Variants in GABRB1 observed in about 807,000 individuals in gnomAD.
GABRB1 encodes gamma-aminobutyric acid type A receptor subunit beta1.
Under a neutral mutation model 51.6 loss-of-function variants are expected in GABRB1, and 17 were observed. The ratio of observed to expected loss-of-function variants is 0.33; its 90% CI spans 0.23 to 0.49. The LOEUF is 0.49. Ranked by LOEUF, GABRB1 falls within the 20% of genes least tolerant of loss-of-function variation. GABRB1 has a pLI of 0.99. For synonymous variants in GABRB1, 247 were observed against 218.9 expected (o/e 1.13, Z -1.14); for missense variants, 410 against 600.6 (o/e 0.68, Z 3.32).
intron 5 of GABRB1, among the ~76,000 whole-genome samples, chr4:47,395,689 C>T (rs2110043200): frequency 6.6e-6 from 1 of 152,300 alleles, no homozygotes; most frequent in African/African-American, 2.4e-5. Flanking sequence ...AATTTACTCA[C>T]ATGATTCAAA....
intron 3 of GABRB1, among the ~76,000 whole-genome samples, chr4:47,141,608 A>G (rs1716938571): frequency 6.6e-6 from 1 of 151,866 alleles, no homozygotes; most frequent in South Asian, 2.1e-4. Context: ...TACCTGTATT[A>G]TTTTATGAAG....
chr4:47,029,596 CTT>C (rs1450067795), upstream of GABRB1, among the ~76,000 whole-genome samples: 3 of 151,958 alleles, frequency 2.0e-5, no homozygotes, highest in Admixed American at 1.3e-4. Flanking sequence ...TCATTTATAA[CTT>C]TGTTCATCTT....
At chr4:47,086,778 A>G (rs1476899317) in intron 3 of GABRB1, among the ~76,000 whole-genome samples, 2 of 152,138 alleles carry the variant, frequency 1.3e-5, no homozygotes, top group African/African-American at 2.4e-5. Flanking sequence ...GATTTCTCAC[A>G]TAGAGCTCTC....
chr4:47,254,920 C>A (rs73150158), intron 4 of GABRB1, among the ~76,000 whole-genome samples: 1,957 of 152,272 alleles, frequency 0.013, 38 homozygotes, highest in African/African-American at 0.045. Flanking sequence ...CATGACACTG[C>A]AGGAGAGAAC....
chr4:47,059,429 A>G lies in GABRB1; in HGVS notation c.240+26945A>G, dbSNP rs527410838. 2.0e-5 allele frequency among the ~76,000 whole-genome samples: 3 copies of G among 152,142 alleles called. No individual in the cohort carries two copies. In the South Asian group the frequency reaches 6.2e-4, roughly 32 times the overall value. ...TCAAGCAGTCCTTCCATTTCACCCT[A>G]CTGAGTAACTGGGACTACAGGCATG... On this transcript the variant is annotated intron_variant, in intron 3 of 8. Transcript: ENST00000295454.
intron 3 of GABRB1, among the ~76,000 whole-genome samples, chr4:47,060,709 C>A (rs753083222): frequency 2.6e-5 from 4 of 151,994 alleles, no homozygotes; most frequent in African/African-American, 7.3e-5. Context: ...TGAGTGTTGG[C>A]AGGCTAATAT....
chr4:47,048,748 A>G (rs1162622472), intron 3 of GABRB1, among the ~76,000 whole-genome samples: 7 of 152,166 alleles, frequency 4.6e-5, no homozygotes, highest in East Asian at 3.8e-4. Flanking sequence ...TTTATTTATA[A>G]CAGAGCTGGG....
At chr4:47,130,542 T>G (rs1716367775) in intron 3 of GABRB1, among the ~76,000 whole-genome samples, 1 of 152,124 alleles carries the variant, frequency 6.6e-6, no homozygotes, top group Non-Finnish European at 1.5e-5. Flanking sequence ...ATATCCCTTA[T>G]TTTTGAGAAC....
intron 3 of GABRB1, among the ~76,000 whole-genome samples, chr4:47,148,030 A>G (rs1181823611): frequency 6.6e-6 from 1 of 152,088 alleles, no homozygotes; most frequent in African/African-American, 2.4e-5. Flanking sequence ...TAACAAATGG[A>G]TTAGGGAAGA....
intron 8 of GABRB1, among the ~76,000 whole-genome samples, chr4:47,410,247 G>A (rs1728716502): frequency 6.6e-6 from 1 of 152,090 alleles, no homozygotes; most frequent in African/African-American, 2.4e-5. Context: ...ACATAATTCT[G>A]ACAAAATTCA....
intron 4 of GABRB1, among the ~76,000 whole-genome samples, chr4:47,268,348 G>A (rs1437813707): frequency 6.6e-6 from 1 of 152,116 alleles, no homozygotes; most frequent in African/African-American, 2.4e-5. Flanking sequence ...AAAGAAGAAT[G>A]TTTCAAAATA....
intron 1 of GABRB1, among the ~76,000 whole-genome samples, chr4:46,997,752 ACACACACATATATATG>A (rs1364090744): frequency 7.9e-5 from 12 of 152,178 alleles, no homozygotes; most frequent in Non-Finnish European, 1.5e-4. Context: ...GTATATATAT[ACACACACATATATATG>A]CACACATACA....
chr4:47,344,274 CCTG>C (rs1306461697), intron 5 of GABRB1, among the ~76,000 whole-genome samples: 1 of 152,078 alleles, frequency 6.6e-6, no homozygotes, highest in Non-Finnish European at 1.5e-5. Context: ...AAAATTCTTC[CCTG>C]CTGTCTTCTC....
chr4:47,311,426 AAAAAAAAGATAGTCGATTATCTTGG>A (rs962110384), intron 4 of GABRB1, among the ~76,000 whole-genome samples: 4 of 151,746 alleles, frequency 2.6e-5, no homozygotes, highest in African/African-American at 9.7e-5. Context: ...AAAAAAAAAA[AAAAAAAAGATAGTCGATTATCTTGG>A]AATATCTTAG....
At chr4:47,029,704 T>C (rs1317132484), upstream of GABRB1, among the ~76,000 whole-genome samples, 1 of 152,062 alleles carries the variant, frequency 6.6e-6, no homozygotes, top group East Asian at 1.9e-4. Context: ...CGTATCTACC[T>C]GTAATATATT....
At chr4:47,015,689 T>C (rs1724722483) in intron 1 of GABRB1, among the ~76,000 whole-genome samples, 1 of 152,242 alleles carries the variant, frequency 6.6e-6, no homozygotes, top group Admixed American at 6.5e-5. Flanking sequence ...TTTGTAAAGA[T>C]TATTAATATG....
intron 3 of GABRB1, among the ~76,000 whole-genome samples, chr4:47,075,252 T>C (rs1727497489): frequency 6.6e-6 from 1 of 152,150 alleles, no homozygotes; most frequent in African/African-American, 2.4e-5. Flanking sequence ...GACAATGCCA[T>C]AGGTACCAGC....
intron 5 of GABRB1, among the ~76,000 whole-genome samples, chr4:47,329,924 G>T (rs1451003519): frequency 6.6e-6 from 1 of 151,956 alleles, no homozygotes; most frequent in Non-Finnish European, 1.5e-5. Context: ...GGAGGCTGAC[G>T]ATCTCAAGAT....
At chr4:47,134,609 CTG>C (rs1410925160) in intron 3 of GABRB1, among the ~76,000 whole-genome samples, 1 of 152,066 alleles carries the variant, frequency 6.6e-6, no homozygotes, top group African/African-American at 2.4e-5. Context: ...AAACTTGAAA[CTG>C]TTACCAATAA....
Sources: allele counts gnomAD v4.1 joint callset (sites outside exome capture counted in the v4.1 genomes callset), GRCh38; gene constraint gnomAD v4.1.1; transcripts MANE v1.5; gene names NCBI Gene and HGNC (gene_info 2026-07-23, HGNC 2026-07-21).